Variants in ZFR2 observed in about 807,000 individuals in gnomAD.
The protein encoded by ZFR2 is zinc finger RNA-binding protein 2.
Under a neutral mutation model 105.7 loss-of-function variants are expected in ZFR2, and 104 were observed. That is an observed-to-expected ratio of 0.98 (90% confidence interval 0.84 to 1.16). ZFR2 has a LOEUF of 1.16. Among genes scored for constraint, ZFR2 ranks in the 50% most tolerant of loss-of-function variants. ZFR2 has a pLI of 0.00. For synonymous variants in ZFR2, 634 were observed against 597.7 expected (o/e 1.06, Z -0.89); for missense variants, 1,425 against 1,355.5 (o/e 1.05, Z -0.80).
At chr19:3,859,358 C>T (rs775504490) in intron 1 of ZFR2, among the ~76,000 whole-genome samples, 1 of 152,210 alleles carries the variant, frequency 6.6e-6, no homozygotes, top group Non-Finnish European at 1.5e-5. Flanking sequence ...TTTGGGGACT[C>T]GGACTGATCC....
intron 1 of ZFR2, among the ~76,000 whole-genome samples, chr19:3,848,460 C>T (rs181699966): frequency 1.9e-4 from 29 of 152,212 alleles, no homozygotes; most frequent in African/African-American, 5.5e-4. Flanking sequence ...CCTGTAATCC[C>T]AGCACTCTGG....
At chr19:3,867,640 C>A (rs2038448284) in intron 1 of ZFR2, among the ~76,000 whole-genome samples, 1 of 151,978 alleles carries the variant, frequency 6.6e-6, no homozygotes. Flanking sequence ...GGCCCTTTCT[C>A]CCTCCTCACT....
At chr19:3,828,097 G>A (rs2037973118) in intron 5 of ZFR2, among the ~76,000 whole-genome samples, 1 of 151,822 alleles carries the variant, frequency 6.6e-6, no homozygotes, top group South Asian at 2.1e-4. Context: ...TGGGATGACA[G>A]GAGCGCACCA....
rs994860075 is a variant in ZFR2, at chr19:3,834,183, C to T, written c.265-405G>A. The stretch of plus-strand genomic sequence containing the variant: ...TGGCCTCTGATGCCGTTGACCGACA[C>T]AATCTGGGGACGAGGTGCGGGTGGC... On this transcript the variant is annotated intron_variant, in intron 2 of 18. Transcript: ENST00000262961. This position sits in a 1 kb window ranked among gnomAD's most constrained non-coding sequence, Gnocchi z 5.3. Among the ~76,000 whole-genome samples, 1 of 152,080 alleles carries T rather than the reference C, an allele frequency of 6.6e-6. No homozygotes were observed. Among genetic ancestry groups the T allele is most frequent in the African/African-American group, 2.4e-5 (1 of 41,402 alleles).
intron 1 of ZFR2, among the ~76,000 whole-genome samples, chr19:3,859,242 T>C (rs548016235): frequency 2.3e-4 from 35 of 152,292 alleles, no homozygotes; most frequent in Middle Eastern, 3.4e-3. Flanking sequence ...AGACTCCAAG[T>C]TCTTCAGCTT....
rs181952055 is a variant in ZFR2, at chr19:3,831,976, A to G, written c.380-98T>C. On this transcript the variant is annotated intron_variant, in intron 3 of 18. Coordinates refer to ENST00000262961, the MANE Select transcript of ZFR2 (RefSeq NM_015174.2). ...GACTCAACTGGCTGGAACACGCTAGATGCTTAAGCCAGGACCAGAGGCCAG... is the reference window on the plus strand; with the variant it reads ...GACTCAACTGGCTGGAACACGCTAGGTGCTTAAGCCAGGACCAGAGGCCAG... The G allele has an allele frequency of 8.4e-4, 903 of 1,079,268 alleles. 6 individuals are homozygous for G. The African/African-American group carries it at 0.013, about 16-fold the overall frequency. 66.9% of individuals were successfully genotyped at this position (1,079,268 alleles called of 1,614,324 possible). A position where few individuals can be genotyped will look rare whatever the true frequency, so the allele number is the denominator to read the frequency against.
chr19:3,837,395 C>A (rs1467027668), intron 1 of ZFR2, among the ~76,000 whole-genome samples: 1 of 152,012 alleles, frequency 6.6e-6, no homozygotes, highest in African/African-American at 2.4e-5. Flanking sequence ...GACTGTGACA[C>A]TCGATGAACA....
rs1440000218 is a variant in ZFR2, at chr19:3,808,966, C to T, written c.2451G>A (p.Val817=). ...CAGCCGCACTGCTCACAGCCTTCTC[C>T]ACCAGCAGCTCCATGGCCTGGTGGG... The part of the protein sequence containing the change: ...ALPAWAMELL[V]EKAVSSAAGP... Residue 817 remains valine, a synonymous_variant, in exon 17 of 19, where the codon GTG becomes GTA. Transcript: ENST00000262961. The T allele has an allele frequency of 1.3e-6, 2 of 1,563,394 alleles. No homozygotes were observed. The highest frequency in any genetic ancestry group is 2.7e-5 in the African/African-American group (2 of 73,894).
chr19:3,821,192 C>T (rs902076135), intron 10 of ZFR2, 148 bp downstream of exon 10: 21 of 1,158,950 alleles, frequency 1.8e-5, no homozygotes, highest in Middle Eastern at 3.1e-4. Flanking sequence ...CACACCAGGA[C>T]GTGCCCACTG....
chr19:3,817,056 C>G (rs576885080), intron 12 of ZFR2, among the ~76,000 whole-genome samples: 11 of 152,272 alleles, frequency 7.2e-5, no homozygotes, highest in African/African-American at 2.6e-4. Context: ...GTGCTGTCAC[C>G]GGGCATGCCT....
rs772371092 is a variant in ZFR2, at chr19:3,833,725, C to T, written c.318G>A (p.Pro106=). 8.8e-6 allele frequency: 14 copies of T among 1,582,476 alleles called. No homozygotes were observed. Among genetic ancestry groups the T allele is most frequent in the South Asian group, 3.5e-5 (3 of 86,482 alleles). The part of the protein sequence containing the change: ...SAAARSYEDR[P]YFQSAALQSG... ...ACTGGAGGGCAGCAGACTGGAAGTACGGCCTGTCCTCATAGCTCCTGGCAG... is the reference window on the plus strand; with the variant it reads ...ACTGGAGGGCAGCAGACTGGAAGTATGGCCTGTCCTCATAGCTCCTGGCAG... Residue 106 remains proline (P), a synonymous_variant, in exon 3 of 19, where the codon CCG becomes CCA. Coordinates refer to ENST00000262961, the MANE Select transcript of ZFR2 (RefSeq NM_015174.2).
intron 1 of ZFR2, among the ~76,000 whole-genome samples, chr19:3,843,527 G>A (rs906193788): frequency 2.7e-5 from 4 of 148,704 alleles, no homozygotes; most frequent in Non-Finnish European, 6.0e-5. Flanking sequence ...AATATGATTC[G>A]GCCTTAAAAA....
At position 3,816,811 on chromosome 19, in the gene ZFR2, C is replaced by T. The variant is rs375151900; in HGVS notation, c.1966G>A (p.Val656Ile). 51 of 1,583,116 alleles carry T rather than the reference C, an allele frequency of 3.2e-5. 1 individual carries two copies. The highest frequency in any genetic ancestry group is 3.9e-5 in the Non-Finnish European group (46 of 1,166,100). Reference sequence around the variant, plus strand: ...TTCGCCAGGATGCCTACTCGCATGACGCCTTTCAGGACCCGAGTCTGGGGG... The same window carrying T: ...TTCGCCAGGATGCCTACTCGCATGATGCCTTTCAGGACCCGAGTCTGGGGG... ...VAPQTRVLKG[V>I]MRVGILAKGL... The change falls in exon 13 of 19, where the codon GTC becomes ATC. Residue 656 changes from valine to isoleucine, a missense_variant. Coordinates refer to ENST00000262961, the MANE Select transcript of ZFR2 (RefSeq NM_015174.2).
At chr19:3,817,654 GC>G (rs1406504396) in intron 12 of ZFR2, among the ~76,000 whole-genome samples, 3 of 149,584 alleles carry the variant, frequency 2.0e-5, no homozygotes, top group African/African-American at 7.4e-5. Flanking sequence ...TACTTGGAAG[GC>G]TGAGGCAGGA....
rs1290013602 is a variant in ZFR2, at chr19:3,858,610, G to C, written c.53+10355C>G. Among the ~76,000 whole-genome samples the C allele has an allele frequency of 6.6e-6, 1 of 152,198 alleles. No individual in the cohort carries two copies. The highest frequency in any genetic ancestry group is 2.1e-4 in the South Asian group (1 of 4,832). On this transcript the variant is annotated intron_variant, in intron 1 of 18. Transcript: ENST00000262961. The surrounding 1 kb of genome is among the most constrained non-coding windows in gnomAD (Gnocchi z 4.3). ...AGGCAGGCGGATCACCTGAGGTCAG[G>C]AGTTCAAGACCAGCCTGGACAACAT...
Position 3,804,876 on chromosome 19 carries a change from T to C in ZFR2, c.*1073A>G, listed in dbSNP as rs879591124. ...TCCAAAGAAAGTTTTGTTTGTTTGT[T>C]TGTTTGTTTGTTTGTTTCTTTGAGA... On this transcript the variant is annotated 3_prime_UTR_variant, in exon 19 of 19. Coordinates refer to ENST00000262961, the MANE Select transcript of ZFR2 (RefSeq NM_015174.2). 675 of 153,350 alleles carry C rather than the reference T, an allele frequency of 4.4e-3. 3 individuals carry two copies. The highest frequency in any genetic ancestry group is 0.01 in the South Asian group (50 of 4,966). 9.5% of individuals were successfully genotyped at this position (153,350 alleles called of 1,614,324 possible).
intron 1 of ZFR2, among the ~76,000 whole-genome samples, chr19:3,841,249 G>A (rs1377094878): frequency 6.6e-6 from 1 of 152,232 alleles, no homozygotes; most frequent in Non-Finnish European, 1.5e-5. Flanking sequence ...TGGGAACACG[G>A]CCGGCAACGG....
chr19:3,847,755 AAGG>A (rs1312302937), intron 1 of ZFR2, among the ~76,000 whole-genome samples: 1 of 152,122 alleles, frequency 6.6e-6, no homozygotes, highest in Non-Finnish European at 1.5e-5. Context: ...GCAATGCTCC[AAGG>A]CTTATTCTAG....
In ZFR2 at chr19:3,855,615, T is replaced by G. The variant is rs2038288673; in HGVS notation, c.53+13350A>C. 8.9e-6 allele frequency: 4 copies of G among 448,782 alleles called. No homozygotes were observed. In the East Asian group the frequency reaches 1.4e-4, roughly 16 times the overall value. The allele number at this position is 448,782 out of a possible 1,614,324, so 27.8% of individuals were successfully genotyped here. A position where few individuals can be genotyped will look rare whatever the true frequency, so the allele number is the denominator to read the frequency against. On this transcript the variant is annotated intron_variant, in intron 1 of 18. Transcript: ENST00000262961. ...AGCAAAATAATTCAACGCGATCTGA[T>G]GGTTCTCATGCCGCCGGGAAGGACG...
Sources: allele counts gnomAD v4.1 joint callset (sites outside exome capture counted in the v4.1 genomes callset), GRCh38; gene constraint gnomAD v4.1.1; non-coding constraint Gnocchi (gnomAD v3.1); transcripts MANE v1.5; gene names NCBI Gene and HGNC (gene_info 2026-07-23, HGNC 2026-07-21).